Variants in HMCN1 observed in about 807,000 individuals in gnomAD.
HMCN1 encodes hemicentin 1, also known as hemicentin-1.
HMCN1 carries 321 observed loss-of-function variants against 625.9 expected under a neutral mutation model. That is an observed-to-expected ratio of 0.51 (90% CI 0.47 to 0.56). The LOEUF is 0.56. Ranked by LOEUF, HMCN1 falls within the 20% of genes least tolerant of loss-of-function variation. The probability of loss-of-function intolerance (pLI) is 0.00; values close to 1 mark genes in which losing one functional copy is unlikely to be tolerated. For synonymous variants in HMCN1, 2,425 were observed against 2,417.6 expected (o/e 1.00, Z -0.09); for missense variants, 6,588 against 6,887.3 (o/e 0.96, Z 1.54).
intron 1 of HMCN1, among the ~76,000 whole-genome samples, chr1:185,757,063 C>T (rs1655179203): frequency 6.6e-6 from 1 of 152,188 alleles, no homozygotes; most frequent in South Asian, 2.1e-4. Flanking sequence ...CAACCTCCGC[C>T]TCCTGGGTTC....
chr1:185,737,289 G>A (rs1283699591), intron 1 of HMCN1, among the ~76,000 whole-genome samples: 1 of 151,962 alleles, frequency 6.6e-6, no homozygotes, highest in South Asian at 2.1e-4. Context: ...CGAGTAGCTG[G>A]GACAACAGGC....
At chr1:186,071,928 T>C (rs1658503370) in intron 52 of HMCN1, among the ~76,000 whole-genome samples, 1 of 152,180 alleles carries the variant, frequency 6.6e-6, no homozygotes, top group African/African-American at 2.4e-5. Context: ...TATGCTCACA[T>C]GTACATGAAC....
chr1:186,106,600 T>C (rs1476775393), intron 69 of HMCN1, among the ~76,000 whole-genome samples: 1 of 152,228 alleles, frequency 6.6e-6, no homozygotes, highest in African/African-American at 2.4e-5. Context: ...CTATCACATA[T>C]GGTTCTAGGT....
At chr1:186,098,460 A>G (rs1449312267) in intron 68 of HMCN1, among the ~76,000 whole-genome samples, 2 of 152,192 alleles carry the variant, frequency 1.3e-5, no homozygotes, top group Non-Finnish European at 2.9e-5. Flanking sequence ...ACTAATCATC[A>G]AACAAAGGCA....
chr1:185,772,218 T>C (rs1399713034), intron 1 of HMCN1, among the ~76,000 whole-genome samples: 1 of 152,178 alleles, frequency 6.6e-6, no homozygotes, highest in African/African-American at 2.4e-5. Flanking sequence ...AGATTTTCAA[T>C]TTAGTTCTGT....
At chr1:186,014,521 G>C (rs924063308) in intron 30 of HMCN1, among the ~76,000 whole-genome samples, 1 of 151,966 alleles carries the variant, frequency 6.6e-6, no homozygotes, top group Non-Finnish European at 1.5e-5. Flanking sequence ...TTGCAGGAGA[G>C]ACTGAGTGAC....
chr1:186,107,229 G>A (rs1303955012), intron 70 of HMCN1, among the ~76,000 whole-genome samples: 1 of 152,152 alleles, frequency 6.6e-6, no homozygotes, highest in Non-Finnish European at 1.5e-5. Flanking sequence ...GGGACTACAG[G>A]TGCCTGCCAC....
chr1:186,095,536 T>C lies in HMCN1; in HGVS notation c.10573+15T>C, dbSNP rs753821795. The stretch of plus-strand genomic sequence containing the variant: ...CAAGGTCCTAGGTATGTAAACATTG[T>C]GGTAAATGTAGAATAATTGGAAAGT... On this transcript the variant is annotated intron_variant, in intron 68 of 106. Transcript: ENST00000271588. 6.2e-7 allele frequency: 1 copy of C among 1,609,970 alleles called. No homozygotes were observed. The highest frequency in any genetic ancestry group is 1.1e-5 in the South Asian group (1 of 90,876).
At chr1:185,750,270 A>G (rs1053442069) in intron 1 of HMCN1, among the ~76,000 whole-genome samples, 1 of 152,146 alleles carries the variant, frequency 6.6e-6, no homozygotes, top group African/African-American at 2.4e-5. Context: ...AATTTTTTGT[A>G]TTCTTTTTGT....
chr1:186,064,625 C>T (rs1374999947), intron 48 of HMCN1, among the ~76,000 whole-genome samples: 19 of 151,688 alleles, frequency 1.3e-4, no homozygotes, highest in African/African-American at 2.9e-4. Context: ...CTGGCTAACA[C>T]GGTGAAACCC....
intron 100 of HMCN1, among the ~76,000 whole-genome samples, chr1:186,167,452 G>A (rs766208246): frequency 2.6e-5 from 4 of 152,158 alleles, no homozygotes; most frequent in Admixed American, 6.5e-5. Flanking sequence ...ACACCAGGGC[G>A]GTACGTTTGT....
intron 93 of HMCN1, among the ~76,000 whole-genome samples, chr1:186,149,459 A>G (rs571643170): frequency 1.6e-4 from 24 of 152,326 alleles, no homozygotes; most frequent in African/African-American, 5.5e-4. Context: ...AAAGAGAGTT[A>G]GGGCCTTAGT....
intron 1 of HMCN1, among the ~76,000 whole-genome samples, chr1:185,748,355 CA>C (rs1185128176): frequency 2.6e-5 from 4 of 152,118 alleles, no homozygotes; most frequent in African/African-American, 9.7e-5. Context: ...TCCCCAGCCA[CA>C]CCCTATGTTG....
intron 10 of HMCN1, among the ~76,000 whole-genome samples, chr1:185,931,830 G>A (rs1032134072): frequency 6.6e-6 from 1 of 152,134 alleles, no homozygotes; most frequent in African/African-American, 2.4e-5. Flanking sequence ...GAGCTAGAAG[G>A]AGTCTTTATG....
rs373879370 is a variant in HMCN1, at chr1:185,925,098, C to T, written c.1337C>T (p.Pro446Leu). 8.3e-5 allele frequency: 134 copies of T among 1,613,772 alleles called. No individual in the cohort carries two copies. Among genetic ancestry groups the T allele is most frequent in the Non-Finnish European group, 1.0e-4 (122 of 1,179,784 alleles). The change falls in exon 9 of 107, where the codon CCG becomes CTG. Residue 446 changes from proline to leucine, a missense_variant. This residue lies in a region of HMCN1 where 4,628 missense variants were observed against 4,853.1 expected (regional missense o/e 0.95). Coordinates refer to ENST00000271588, the MANE Select transcript of HMCN1 (RefSeq NM_031935.3). ...PEKTPGYYLQ[P>L]GQIPCSVDSL... ...AAAACCCCAGGATACTATCTGCAGC[C>T]GGGCCAAATTCCCTGCTCTGTTGAC... is the stretch of plus-strand genomic sequence containing the variant.
intron 97 of HMCN1, among the ~76,000 whole-genome samples, chr1:186,164,399 C>T (rs1651739645): frequency 6.6e-6 from 1 of 152,064 alleles, no homozygotes; most frequent in Admixed American, 6.5e-5. Context: ...GCCACCACAC[C>T]TGGCTAATTT....
chr1:185,828,343 A>G (rs933513342), intron 1 of HMCN1, among the ~76,000 whole-genome samples: 6 of 152,170 alleles, frequency 3.9e-5, no homozygotes, highest in African/African-American at 1.4e-4. Flanking sequence ...TTGATGTTAA[A>G]CAAAACAAAA....
intron 97 of HMCN1, among the ~76,000 whole-genome samples, chr1:186,158,619 G>A (rs2102595762): frequency 6.6e-6 from 1 of 152,228 alleles, no homozygotes; most frequent in East Asian, 1.9e-4. Context: ...TGTATAAGGT[G>A]TAAGGAAGGG....
At chr1:185,925,858 C>T (rs1307087316) in intron 9 of HMCN1, among the ~76,000 whole-genome samples, 1 of 152,076 alleles carries the variant, frequency 6.6e-6, no homozygotes, top group Non-Finnish European at 1.5e-5. Context: ...GAAAGACAGA[C>T]AGGAGGAGGC....
Sources: allele counts gnomAD v4.1 joint callset (sites outside exome capture counted in the v4.1 genomes callset), GRCh38; gene constraint gnomAD v4.1.1; regional missense constraint gnomAD v4.1.1; transcripts MANE v1.5; gene names NCBI Gene and HGNC (gene_info 2026-07-23, HGNC 2026-07-21).